Variants in CDKL1 observed in about 807,000 individuals in gnomAD.
CDKL1 encodes the protein cyclin dependent kinase like 1.
A neutral mutation model predicts 42.0 loss-of-function variants in CDKL1; 41 were observed. The observed-to-expected ratio is 0.98, with a 90% CI of 0.76 to 1.27. The LOEUF (loss-of-function observed/expected upper bound fraction) is 1.27, where lower values mean the gene tolerates loss of function less well. Ranked by LOEUF, CDKL1 falls within the 50% of genes most tolerant of loss-of-function variation. The probability of loss-of-function intolerance (pLI) is 0.00; values close to 1 mark genes in which losing one functional copy is unlikely to be tolerated. For synonymous variants in CDKL1, 153 were observed against 158.6 expected, an observed-to-expected ratio of 0.96 and a Z score of 0.26; for missense variants, 394 against 428.4, an observed-to-expected ratio of 0.92 and a Z score of 0.71.
chr14:50,377,874 G>C, intron 2 of CDKL1: 1 of 495,234 alleles, frequency 2.0e-6, no homozygotes, highest in Non-Finnish European at 3.2e-6. Flanking sequence ...ATCTGTGGGA[G>C]TCAGGAGGCC....
Position 50,352,553 on chromosome 14 carries a change from C to T in CDKL1, c.290+6475G>A, listed in dbSNP as rs150814389. ...GAGAGGAATGGTGAGACATAATAAA[C>T]TTAATGTAATATTTTACAGTCATTG... On this transcript the variant is annotated intron_variant, in intron 3 of 9. Coordinates refer to ENST00000395834, the MANE Select transcript of CDKL1 (RefSeq NM_004196.7). Among the ~76,000 whole-genome samples, 338 of 152,132 alleles carry T rather than the reference C, an allele frequency of 2.2e-3. 2 individuals are homozygous for T. Among genetic ancestry groups the T allele is most frequent in the Non-Finnish European group, 2.2e-3 (152 of 68,002 alleles).
chr14:50,329,933 C>A lies in CDKL1; in HGVS notation c.*141G>T. 1.0e-6 allele frequency: 1 copy of A among 979,736 alleles called. No homozygotes were observed. Among genetic ancestry groups the A allele is most frequent in the Non-Finnish European group, 1.4e-6 (1 of 695,288 alleles). The allele number at this position is 979,736 out of a possible 1,614,324, so 60.7% of individuals were successfully genotyped here. ...ATCTGGAATTTCCCTTCATATCTTGCCAGTTGGCCTCCCAGTTTCTTGCTT... is the reference window on the plus strand; with the variant it reads ...ATCTGGAATTTCCCTTCATATCTTGACAGTTGGCCTCCCAGTTTCTTGCTT... On this transcript the variant is annotated 3_prime_UTR_variant, in exon 10 of 10. Coordinates refer to ENST00000395834, the MANE Select transcript of CDKL1 (RefSeq NM_004196.7).
At chr14:50,340,998 G>A in intron 6 of CDKL1, 34 bp downstream of exon 6, 1 of 1,603,968 alleles carries the variant, frequency 6.2e-7, no homozygotes, top group Non-Finnish European at 8.5e-7. Flanking sequence ...GAAATATCCA[G>A]TTTTCCAAAA....
Position 50,332,381 on chromosome 14 carries a change from G to A in CDKL1, c.847C>T (p.His283Tyr), listed in dbSNP as rs1256437925. 3.1e-6 allele frequency: 5 copies of A among 1,614,180 alleles called. No homozygotes were observed. The South Asian group carries it at 4.4e-5, about 14-fold the overall frequency. The change falls in exon 9 of 10, where the codon CAT becomes TAT. Residue 283 changes from histidine (H) to tyrosine (Y), a missense_variant. His to Tyr is a moderately conservative substitution (Grantham distance 83). Coordinates refer to ENST00000395834, the MANE Select transcript of CDKL1 (RefSeq NM_004196.7). ...TQRLTCEQLL[H>Y]HPYFENIREI... is the part of the protein sequence containing the mutation. The stretch of plus-strand genomic sequence containing the variant: ...CTGATGTTTTCAAAATATGGGTGAT[G>A]CAACAGCTGTTCACATGTCAGCCTT...
intron 2 of CDKL1, among the ~76,000 whole-genome samples, chr14:50,362,022 G>A (rs1037595450): frequency 6.6e-6 from 1 of 152,212 alleles, no homozygotes; most frequent in African/African-American, 2.4e-5. Flanking sequence ...GCACTCTAGC[G>A]GCCCCCTGGC....
intron 2 of CDKL1, among the ~76,000 whole-genome samples, chr14:50,359,684 TTTTG>T (rs1442989979): frequency 2.0e-5 from 3 of 152,058 alleles, no homozygotes; most frequent in African/African-American, 7.2e-5. Context: ...GTCTGTGTTC[TTTTG>T]TTTATCAAAA....
In CDKL1 at chr14:50,346,654, T is replaced by G. The variant is rs923005823; in HGVS notation, c.291-1596A>C. On this transcript the variant is annotated intron_variant, in intron 3 of 9. Coordinates refer to ENST00000395834, the MANE Select transcript of CDKL1 (RefSeq NM_004196.7). Reference sequence around the variant, plus strand: ...TTATTCAATAAATTAAATTTTTGGTTTTTTTTTTTTTTTTGAGATGGAGTC... The same window carrying G: ...TTATTCAATAAATTAAATTTTTGGTGTTTTTTTTTTTTTTGAGATGGAGTC... 7.4e-5 allele frequency among the ~76,000 whole-genome samples: 9 copies of G among 122,248 alleles called. 1 individual carries two copies. The South Asian group carries it at 1.9e-3, about 26-fold the overall frequency. The allele number at this position is 122,248 out of a possible 152,430, so 80.2% of individuals were successfully genotyped here.
At chr14:50,344,851 A>ATACT in intron 4 of CDKL1, 135 bp downstream of exon 4, 2 of 662,850 alleles carry the variant, frequency 3.0e-6, no homozygotes, top group East Asian at 5.6e-5. Flanking sequence ...TTTTTAGCCT[A>ATACT]TACTTACCCA....
chr14:50,370,133 ATCTT>A (rs2034550837), intron 2 of CDKL1, among the ~76,000 whole-genome samples: 1 of 149,804 alleles, frequency 6.7e-6, no homozygotes, highest in Non-Finnish European at 1.5e-5. Context: ...CAGTGGCACG[ATCTT>A]GGCTCACTCC....
At chr14:50,362,322 G>T in intron 2 of CDKL1, 1 of 340,424 alleles carries the variant, frequency 2.9e-6, no homozygotes, top group South Asian at 2.1e-5. Flanking sequence ...CCTGTGGCCT[G>T]GTGTGGGATC....
At chr14:50,384,420 A>G (rs1375734435) in intron 2 of CDKL1, among the ~76,000 whole-genome samples, 1 of 152,246 alleles carries the variant, frequency 6.6e-6, no homozygotes, top group Non-Finnish European at 1.5e-5. Context: ...GGGTCTCTGG[A>G]GAAATGGCTG....
intron 2 of CDKL1, among the ~76,000 whole-genome samples, chr14:50,365,174 A>C (rs1339499835): frequency 6.6e-6 from 1 of 152,174 alleles, no homozygotes; most frequent in Non-Finnish European, 1.5e-5. Context: ...AGGATTGTGA[A>C]TATTTACCCC....
At chr14:50,360,775 C>T (rs934048511) in intron 2 of CDKL1, among the ~76,000 whole-genome samples, 5 of 120,718 alleles carry the variant, frequency 4.1e-5, no homozygotes, top group South Asian at 2.8e-4. Flanking sequence ...GAATGATAGA[C>T]GTGTGTGTGT....
chr14:50,396,957 G>T (rs1356908001), upstream of CDKL1: 16 of 574,308 alleles, frequency 2.8e-5, no homozygotes, highest in Non-Finnish European at 3.9e-5. Flanking sequence ...GGGCCGCCGC[G>T]CCCCAGCTTC....
At chr14:50,356,008 G>C (rs1275238191) in intron 3 of CDKL1, among the ~76,000 whole-genome samples, 1 of 152,096 alleles carries the variant, frequency 6.6e-6, no homozygotes, top group African/African-American at 2.4e-5. Flanking sequence ...CTATGTAGAG[G>C]GTGGCATGCT....
chr14:50,382,368 G>A (rs541815221), intron 2 of CDKL1, among the ~76,000 whole-genome samples: 103 of 152,138 alleles, frequency 6.8e-4, no homozygotes, highest in Non-Finnish European at 1.3e-3. Context: ...TAGGAATTGC[G>A]TGAACCCGGG....
intron 2 of CDKL1, among the ~76,000 whole-genome samples, chr14:50,388,323 G>T (rs1341765656): frequency 6.6e-6 from 1 of 152,236 alleles, no homozygotes; most frequent in African/African-American, 2.4e-5. Context: ...TAGTGGATGT[G>T]GCACTGCACA....
chr14:50,344,521 G>A (rs1430406748), intron 4 of CDKL1, among the ~76,000 whole-genome samples: 1 of 145,702 alleles, frequency 6.9e-6, no homozygotes, highest in Non-Finnish European at 1.5e-5. Context: ...CCAGGTTGGA[G>A]TACAGTGGCA....
intron 2 of CDKL1, chr14:50,378,147 C>G (rs770295196): frequency 1.5e-6 from 2 of 1,363,354 alleles, no homozygotes; most frequent in African/African-American, 1.5e-5. Context: ...CAACTCAGTT[C>G]CATTGCTGTA....
Sources: allele counts gnomAD v4.1 joint callset (sites outside exome capture counted in the v4.1 genomes callset), GRCh38; gene constraint gnomAD v4.1.1; transcripts MANE v1.5; gene names NCBI Gene and HGNC (gene_info 2026-07-23, HGNC 2026-07-21).